The following ZNF385D variants were observed in gnomAD, a reference collection of about 807,000 sequenced individuals.
The protein encoded by ZNF385D is zinc finger protein 659.
ZNF385D carries 15 observed loss-of-function variants against 35.8 expected under a neutral mutation model. The observed-to-expected ratio is 0.42, with a 90% CI of 0.28 to 0.64. ZNF385D has a LOEUF of 0.64. Ranked by LOEUF, ZNF385D falls within the 30% of genes least tolerant of loss-of-function variation. ZNF385D has a pLI of 0.23. For synonymous variants in ZNF385D, 212 were observed against 186.8 expected, an observed-to-expected ratio of 1.13 and a Z score of -1.10; for missense variants, 474 against 494.6, an observed-to-expected ratio of 0.96 and a Z score of 0.39.
intron 3 of ZNF385D, among the ~76,000 whole-genome samples, chr3:21,995,048 G>T (rs533123329): frequency 1.3e-4 from 20 of 152,224 alleles, no homozygotes; most frequent in Non-Finnish European, 2.6e-4. Flanking sequence ...TGCCAGCAGT[G>T]ACAGCAATGG....
chr3:21,859,746 A>G (rs1022021027), intron 3 of ZNF385D, among the ~76,000 whole-genome samples: 1 of 151,332 alleles, frequency 6.6e-6, no homozygotes, highest in Non-Finnish European at 1.5e-5. Flanking sequence ...AAATGTTTTA[A>G]TCCTTATGTT....
At chr3:22,284,355 T>C (rs1701919065) in intron 2 of ZNF385D, among the ~76,000 whole-genome samples, 1 of 151,790 alleles carries the variant, frequency 6.6e-6, no homozygotes. Flanking sequence ...CACCCGGCTA[T>C]TCTTTTTTTT....
intron 3 of ZNF385D, among the ~76,000 whole-genome samples, chr3:21,941,430 C>G (rs1264977656): frequency 1.3e-5 from 2 of 150,956 alleles, no homozygotes; most frequent in Non-Finnish European, 2.9e-5. Context: ...AATGATCTAC[C>G]AAGTATAGTG....
chr3:21,728,221 A>G (rs1385515576), intron 1 of ZNF385D, among the ~76,000 whole-genome samples: 1 of 151,822 alleles, frequency 6.6e-6, no homozygotes, highest in Non-Finnish European at 1.5e-5. Flanking sequence ...CCACCATGTC[A>G]CGTGTATACC....
chr3:22,100,448 G>A (rs1163360799), intron 3 of ZNF385D, among the ~76,000 whole-genome samples: 1 of 151,358 alleles, frequency 6.6e-6, no homozygotes, highest in Non-Finnish European at 1.5e-5. Context: ...GTCCAACAAT[G>A]ATAGACTGGA....
At chr3:22,073,828 A>T (rs1700340539) in intron 3 of ZNF385D, among the ~76,000 whole-genome samples, 1 of 151,946 alleles carries the variant, frequency 6.6e-6, no homozygotes, top group Admixed American at 6.6e-5. Context: ...GAAAGAGGTT[A>T]TTTATTTATA....
chr3:21,856,177 ATTGG>A (rs1696702496), intron 3 of ZNF385D, among the ~76,000 whole-genome samples: 1 of 152,078 alleles, frequency 6.6e-6, no homozygotes, highest in African/African-American at 2.4e-5. Flanking sequence ...ATTTTATAGC[ATTGG>A]TTGATATTGA....
intron 3 of ZNF385D, among the ~76,000 whole-genome samples, chr3:21,996,200 C>T (rs1381443455): frequency 3.3e-5 from 5 of 152,142 alleles, no homozygotes; most frequent in African/African-American, 2.4e-5. Flanking sequence ...TGTGGACTCC[C>T]AGCAGCTTCC....
intron 3 of ZNF385D, among the ~76,000 whole-genome samples, chr3:21,907,525 C>A (rs1405401312): frequency 6.6e-6 from 1 of 152,028 alleles, no homozygotes; most frequent in African/African-American, 2.4e-5. Flanking sequence ...AGGTATTTCC[C>A]ATTTTTTTGT....
intron 4 of ZNF385D, among the ~76,000 whole-genome samples, chr3:21,486,258 A>AT (rs1705021371): frequency 7.0e-6 from 1 of 143,482 alleles, no homozygotes; most frequent in Admixed American, 7.3e-5. Flanking sequence ...ATGCATGCAT[A>AT]TGAGCACCCA....
At chr3:22,039,947 C>T (rs116257025) in intron 3 of ZNF385D, among the ~76,000 whole-genome samples, 1,662 of 152,236 alleles carry the variant, frequency 0.011, 28 homozygotes, top group African/African-American at 0.037. Flanking sequence ...GTAGCCATTA[C>T]GATACCTAGC....
chr3:21,754,112 C>G (rs1053089619), upstream of ZNF385D, among the ~76,000 whole-genome samples: 2 of 152,164 alleles, frequency 1.3e-5, no homozygotes, highest in African/African-American at 4.8e-5. Context: ...TGCTTGATTC[C>G]TGTGAGTAAT....
chr3:21,737,176 G>C (rs1185934252), intron 1 of ZNF385D, among the ~76,000 whole-genome samples: 1 of 152,150 alleles, frequency 6.6e-6, no homozygotes, highest in African/African-American at 2.4e-5. Flanking sequence ...CTGACCTCAA[G>C]TGATCCGCCT....
At chr3:21,530,913 C>G (rs1027688233) in intron 3 of ZNF385D, among the ~76,000 whole-genome samples, 2 of 152,110 alleles carry the variant, frequency 1.3e-5, no homozygotes, top group Non-Finnish European at 2.9e-5. Flanking sequence ...AATGTTGTTA[C>G]AATCCATACC....
chr3:21,574,060 CAAA>C (rs57041075), intron 2 of ZNF385D, among the ~76,000 whole-genome samples: 5 of 129,044 alleles, frequency 3.9e-5, no homozygotes, highest in Admixed American at 8.1e-5. Context: ...AACTCCGTCT[CAAA>C]AAAAAAAAAA....
chr3:22,185,299 T>C (rs1329803482), intron 2 of ZNF385D, among the ~76,000 whole-genome samples: 1 of 152,170 alleles, frequency 6.6e-6, no homozygotes, highest in Non-Finnish European at 1.5e-5. Context: ...AGATATAATA[T>C]TGTGTCATAC....
intron 3 of ZNF385D, among the ~76,000 whole-genome samples, chr3:22,102,554 C>A (rs968243439): frequency 6.6e-6 from 1 of 151,902 alleles, no homozygotes; most frequent in Non-Finnish European, 1.5e-5. Context: ...TCTGAGAATC[C>A]CCCAGGAAGA....
At chr3:21,757,494 G>C (rs2070398781) in intron 3 of ZNF385D, among the ~76,000 whole-genome samples, 1 of 152,014 alleles carries the variant, frequency 6.6e-6, no homozygotes, top group South Asian at 2.1e-4. Context: ...GCTAATAGGA[G>C]CTTTTTATTA....
At chr3:22,197,171 TTTG>T (rs1403067757) in intron 2 of ZNF385D, among the ~76,000 whole-genome samples, 1 of 152,022 alleles carries the variant, frequency 6.6e-6, no homozygotes, top group East Asian at 1.9e-4. Flanking sequence ...TGGTGCAATT[TTTG>T]TTGAATTTAT....
Sources: gnomAD v4.1 joint callset for allele counts (sites outside exome capture counted in the v4.1 genomes callset) on GRCh38, gnomAD v4.1.1 for gene constraint, MANE v1.5 for transcripts, NCBI Gene and HGNC (gene_info 2026-07-23, HGNC 2026-07-21) for gene names.